The following METTL9 variants were observed in gnomAD, a reference collection of about 807,000 sequenced individuals.
METTL9 encodes methyltransferase 9, His-X-His N1(pi)-histidine, also known as protein-L-histidine N-pros-methyltransferase.
METTL9 carries 10 observed loss-of-function variants against 36.0 expected under a neutral mutation model. The ratio of observed to expected loss-of-function variants is 0.28; its 90% CI spans 0.17 to 0.47. The LOEUF is 0.47. METTL9 is among the 20% of genes least tolerant of loss of function. The pLI is 0.99. For missense variants in METTL9, 246 were observed against 383.5 expected (o/e 0.64, Z 3.00); for synonymous variants, 175 against 149.7 (o/e 1.17, Z -1.23).
intron 4 of METTL9, among the ~76,000 whole-genome samples, chr16:21,628,747 TC>T (rs1965871552): frequency 6.6e-6 from 1 of 152,102 alleles, no homozygotes; most frequent in Non-Finnish European, 1.5e-5. Flanking sequence ...TGGCCTGCCT[TC>T]GCCTCCCAGC....
chr16:21,600,142 G>C (rs1203017012), intron 1 of METTL9, among the ~76,000 whole-genome samples: 2 of 152,108 alleles, frequency 1.3e-5, no homozygotes, highest in African/African-American at 4.8e-5. Flanking sequence ...GGCCTCCCGG[G>C]CCCGATCGTG....
At chr16:21,613,067 C>T (rs188296388) in intron 2 of METTL9, among the ~76,000 whole-genome samples, 6 of 149,390 alleles carry the variant, frequency 4.0e-5, no homozygotes, top group Admixed American at 3.4e-4. Context: ...GAGTTACTTA[C>T]GGTAGTGCTT....
At chr16:21,633,316 A>G (rs1966010757) in intron 4 of METTL9, among the ~76,000 whole-genome samples, 1 of 152,220 alleles carries the variant, frequency 6.6e-6, no homozygotes, top group Non-Finnish European at 1.5e-5. Flanking sequence ...CAAGAGATCT[A>G]GAGCAGCCTG....
intron 1 of METTL9, among the ~76,000 whole-genome samples, chr16:21,604,006 A>G (rs1411961845): frequency 6.6e-6 from 1 of 152,194 alleles, no homozygotes; most frequent in Non-Finnish European, 1.5e-5. Flanking sequence ...AGCCAGAGCC[A>G]AACACTGTGC....
intron 1 of METTL9, among the ~76,000 whole-genome samples, chr16:21,603,474 G>A (rs1965191457): frequency 6.6e-6 from 1 of 152,190 alleles, no homozygotes; most frequent in South Asian, 2.1e-4. Flanking sequence ...GTTGCAGGGT[G>A]GGTAGATTGA....
intron 3 of METTL9, among the ~76,000 whole-genome samples, chr16:21,619,503 C>G (rs920221225): frequency 6.6e-6 from 1 of 151,718 alleles, no homozygotes; most frequent in Non-Finnish European, 1.5e-5. Flanking sequence ...TCACTGAAAC[C>G]TCCACCTCCT....
In METTL9 at chr16:21,641,485, A is replaced by G. The variant is rs763634011; in HGVS notation, c.752-13742A>G. ...GATATATGTTCATTAACACTGCCAT[A>G]GCTCCTGGAGTTGGATTTTCAGTGA... On this transcript the variant is annotated intron_variant, in intron 4 of 4. Transcript: ENST00000358154. 3.6e-5 allele frequency: 40 copies of G among 1,105,094 alleles called. No individual in the cohort carries two copies. The African/African-American group carries it at 5.9e-4, about 16-fold the overall frequency. 68.5% of individuals were successfully genotyped at this position (1,105,094 alleles called of 1,614,324 possible).
At chr16:21,647,126 G>A in intron 4 of METTL9, 1 of 1,614,124 alleles carries the variant, frequency 6.2e-7, no homozygotes. Context: ...AAGCCTCGCT[G>A]ACTGACCTCT....
intron 4 of METTL9, chr16:21,640,032 G>T (rs1280947542): frequency 6.6e-6 from 1 of 152,044 alleles, no homozygotes; most frequent in Non-Finnish European, 1.5e-5. Context: ...TCCGCATCCT[G>T]GGTTCAAGTG....
intron 4 of METTL9, among the ~76,000 whole-genome samples, chr16:21,641,902 C>T (rs901525000): frequency 3.3e-5 from 5 of 152,052 alleles, no homozygotes; most frequent in African/African-American, 1.2e-4. Context: ...GTCCCAGCCT[C>T]AGAAAGAAAA....
intron 4 of METTL9, among the ~76,000 whole-genome samples, chr16:21,631,348 GA>G (rs1237482450): frequency 6.6e-6 from 1 of 152,120 alleles, no homozygotes; most frequent in Admixed American, 6.5e-5. Context: ...TACTTTTGTT[GA>G]AAACCTTTTA....
chr16:21,634,480 C>G (rs182051783), intron 4 of METTL9, among the ~76,000 whole-genome samples: 3 of 152,174 alleles, frequency 2.0e-5, no homozygotes, highest in Non-Finnish European at 4.4e-5. Flanking sequence ...ACATTGATAA[C>G]AAGCCCTACC....
At chr16:21,632,462 A>G (rs1233657163) in intron 4 of METTL9, among the ~76,000 whole-genome samples, 2 of 152,264 alleles carry the variant, frequency 1.3e-5, no homozygotes, top group East Asian at 1.9e-4. Context: ...TAAGGTCAGG[A>G]TTAGCTAGGG....
At chr16:21,636,959 A>T (rs1597774299) in intron 4 of METTL9, among the ~76,000 whole-genome samples, 1 of 152,026 alleles carries the variant, frequency 6.6e-6, no homozygotes, top group Non-Finnish European at 1.5e-5. Context: ...ATGTGTCTGG[A>T]ATTGGTGGGT....
chr16:21,613,389 C>T (rs765270196), intron 2 of METTL9, among the ~76,000 whole-genome samples: 17 of 151,698 alleles, frequency 1.1e-4, no homozygotes, highest in Admixed American at 3.3e-4. Context: ...TCTATGTTGG[C>T]CAGGCTGGTC....
intron 4 of METTL9, among the ~76,000 whole-genome samples, chr16:21,631,400 C>T (rs766775515): frequency 3.9e-5 from 6 of 152,156 alleles, no homozygotes; most frequent in African/African-American, 9.7e-5. Context: ...AATAAGACCT[C>T]GTTTAGTGTA....
In METTL9 at chr16:21,625,104, A is replaced by T; in HGVS notation, c.740A>T (p.Tyr247Phe). The T allele has an allele frequency of 1.2e-6, 2 of 1,614,076 alleles. No individual in the cohort carries two copies. Among genetic ancestry groups the T allele is most frequent in the Non-Finnish European group, 1.7e-6 (2 of 1,179,986 alleles). The change falls in exon 4 of 5, where the codon TAT (tyrosine) becomes TTT (phenylalanine). Residue 247 changes from tyrosine to phenylalanine, a missense_variant. Around this residue, in one of 2 missense-constraint regions of METTL9, gnomAD observed 146 missense variants for 302.1 expected, o/e 0.48. Transcript: ENST00000358154. Reference protein sequence around the residue: ...ILALVLPFHPYVENVGGKWEK... With the variant: ...ILALVLPFHPFVENVGGKWEK... ...GCCCTTGTCCTCCCCTTTCATCCCT[A>T]TGTGGAAAACGGTAAGTGTGGTCAG... is the stretch of plus-strand genomic sequence containing the variant.
chr16:21,647,131 A>G (rs1371949297), intron 4 of METTL9: 6 of 1,614,034 alleles, frequency 3.7e-6, no homozygotes, highest in Non-Finnish European at 5.1e-6. Flanking sequence ...TCGCTGACTG[A>G]CCTCTTACCA....
chr16:21,650,367 G>A (rs1966536411), intron 4 of METTL9, among the ~76,000 whole-genome samples: 1 of 152,058 alleles, frequency 6.6e-6, no homozygotes, highest in Non-Finnish European at 1.5e-5. Context: ...AATTAGCCAG[G>A]TGTGGTGGTG....
Sources: allele counts gnomAD v4.1 joint callset (sites outside exome capture counted in the v4.1 genomes callset), GRCh38; gene constraint gnomAD v4.1.1; regional missense constraint gnomAD v4.1.1; transcripts MANE v1.5; gene names NCBI Gene and HGNC (gene_info 2026-07-23, HGNC 2026-07-21).